PTPRG: variants seen among roughly 807,000 people sequenced by gnomAD.
The protein encoded by PTPRG is receptor-type tyrosine-protein phosphatase gamma.
A neutral mutation model predicts 165.3 loss-of-function variants in PTPRG; 102 were observed. That is an observed-to-expected ratio of 0.62 (90% CI 0.53 to 0.73). The LOEUF is 0.73. Among genes scored for constraint, PTPRG ranks in the 30% least tolerant of loss-of-function variants. The probability of loss-of-function intolerance (pLI) is 0.00; values close to 1 mark genes in which losing one functional copy is unlikely to be tolerated. For synonymous variants in PTPRG, 675 were observed against 669.5 expected, an observed-to-expected ratio of 1.01 and a Z score of -0.13; for missense variants, 1,866 against 1,861.4, an observed-to-expected ratio of 1.00 and a Z score of -0.05.
chr3:62,179,819 C>T (rs149560987), intron 8 of PTPRG, among the ~76,000 whole-genome samples: 50 of 152,276 alleles, frequency 3.3e-4, no homozygotes, highest in African/African-American at 1.2e-3. Context: ...CAGATAGGGC[C>T]ATCCTTACCA....
At chr3:61,563,908 C>T (rs1002167135) in intron 1 of PTPRG, among the ~76,000 whole-genome samples, 4 of 152,204 alleles carry the variant, frequency 2.6e-5, no homozygotes, top group African/African-American at 9.6e-5. Flanking sequence ...TTCTGCACCC[C>T]CTTTTCTCTC....
chr3:61,815,957 G>A (rs1324572749), intron 2 of PTPRG, among the ~76,000 whole-genome samples: 3 of 152,084 alleles, frequency 2.0e-5, no homozygotes, highest in East Asian at 1.9e-4. Context: ...ACTGGTGACT[G>A]GCCATCTTTA....
intron 10 of PTPRG, among the ~76,000 whole-genome samples, chr3:62,200,890 ATAAGT>A (rs1329013194): frequency 2.6e-5 from 4 of 152,238 alleles, no homozygotes; most frequent in South Asian, 2.1e-4. Context: ...GTAAACAGTA[ATAAGT>A]TAAGGATGGA....
intron 3 of PTPRG, among the ~76,000 whole-genome samples, chr3:62,001,001 T>TCA (rs139350171): frequency 0.097 from 14,794 of 152,166 alleles, 1,218 homozygotes; most frequent in African/African-American, 0.22. Context: ...CTTCCTGAGG[T>TCA]TACCACTGTT....
At chr3:61,599,158 T>C (rs1700779830) in intron 1 of PTPRG, among the ~76,000 whole-genome samples, 1 of 152,212 alleles carries the variant, frequency 6.6e-6, no homozygotes, top group Non-Finnish European at 1.5e-5. Context: ...AATTAATTAA[T>C]TAACTAATGA....
chr3:61,705,656 T>G (rs571814199), intron 1 of PTPRG, among the ~76,000 whole-genome samples: 1 of 152,330 alleles, frequency 6.6e-6, no homozygotes, highest in South Asian at 2.1e-4. Context: ...TATTCTTGGT[T>G]ATTTTACCAG....
At position 62,203,365 on chromosome 3, in the gene PTPRG, G is replaced by A; in HGVS notation, c.1570G>A (p.Gly524Ser). The change falls in exon 12 of 30, where the codon GGT becomes AGT. Residue 524 changes from glycine to serine, a missense_variant. This residue lies in a region of PTPRG where 1,452 missense variants were observed against 1,463.0 expected (regional missense o/e 0.99). Coordinates refer to ENST00000474889, the MANE Select transcript of PTPRG (RefSeq NM_002841.4). This position sits in a 1 kb window ranked among gnomAD's most constrained non-coding sequence, Gnocchi z 6.4. ...TLLAGLGFGG[G>S]GISSFPSTVW... The stretch of plus-strand genomic sequence containing the variant: ...GCTCGCCGGCCTGGGGTTCGGCGGT[G>A]GTGGCATCTCCTCTTTCCCCAGCAC... The A allele has an allele frequency of 1.2e-6, 2 of 1,613,166 alleles. No individual in the cohort carries two copies. Among genetic ancestry groups the A allele is most frequent in the Non-Finnish European group, 1.7e-6 (2 of 1,179,580 alleles).
intron 2 of PTPRG, among the ~76,000 whole-genome samples, chr3:61,786,696 C>G (rs1355758277): frequency 6.6e-6 from 1 of 152,148 alleles, no homozygotes; most frequent in African/African-American, 2.4e-5. Flanking sequence ...ATACTTATGT[C>G]TCATGATGTT....
chr3:61,642,221 G>A (rs879406798), intron 1 of PTPRG, among the ~76,000 whole-genome samples: 16 of 152,134 alleles, frequency 1.1e-4, no homozygotes, highest in Admixed American at 2.0e-4. Flanking sequence ...GGGCTGTGGC[G>A]TATGCCTCTC....
At chr3:61,638,292 T>A (rs1025581646) in intron 1 of PTPRG, among the ~76,000 whole-genome samples, 1 of 152,062 alleles carries the variant, frequency 6.6e-6, no homozygotes, top group Non-Finnish European at 1.5e-5. Flanking sequence ...TTTCCTGTTA[T>A]GTTAAGCAGA....
intron 2 of PTPRG, among the ~76,000 whole-genome samples, chr3:61,915,006 G>A (rs1168726584): frequency 1.3e-5 from 2 of 152,194 alleles, no homozygotes. Flanking sequence ...CAAGGCGGGC[G>A]GATCACCAGG....
intron 2 of PTPRG, among the ~76,000 whole-genome samples, chr3:61,829,640 AGT>A (rs1300355086): frequency 2.0e-5 from 3 of 152,228 alleles, no homozygotes; most frequent in African/African-American, 7.2e-5. Flanking sequence ...TGTCAGGGAG[AGT>A]GTATTAATCC....
At chr3:61,594,716 T>C (rs755378602) in intron 1 of PTPRG, among the ~76,000 whole-genome samples, 4 of 152,334 alleles carry the variant, frequency 2.6e-5, no homozygotes, top group Middle Eastern at 3.4e-3. Context: ...GTTGTGCCAG[T>C]GGCGCCGACA....
At chr3:62,238,040 T>C (rs1222377765) in intron 14 of PTPRG, among the ~76,000 whole-genome samples, 1 of 152,248 alleles carries the variant, frequency 6.6e-6, no homozygotes, top group Non-Finnish European at 1.5e-5. Context: ...TAGTCATCTT[T>C]GGTCAAGCAC....
At position 61,629,248 on chromosome 3, in the gene PTPRG, G is replaced by C. The variant is rs868666653; in HGVS notation, c.85+66876G>C. On this transcript the variant is annotated intron_variant, in intron 1 of 29. Coordinates refer to ENST00000474889, the MANE Select transcript of PTPRG (RefSeq NM_002841.4). ...CAGCTCACTGCAGCCTCTGCCTCCTGGGTTCAAGTGATTCTCCTGCCTCAG... is the reference window on the plus strand; with the variant it reads ...CAGCTCACTGCAGCCTCTGCCTCCTCGGTTCAAGTGATTCTCCTGCCTCAG... 3.3e-5 allele frequency among the ~76,000 whole-genome samples: 5 copies of C among 152,196 alleles called. No individual in the cohort carries two copies. The South Asian group carries it at 1.0e-3, about 32-fold the overall frequency.
intron 2 of PTPRG, among the ~76,000 whole-genome samples, chr3:61,970,127 G>T (rs184780119): frequency 3.5e-4 from 53 of 152,310 alleles, no homozygotes; most frequent in Admixed American, 2.2e-3. Flanking sequence ...TTTGAACCAT[G>T]TGAGATATAT....
At chr3:61,593,811 C>T (rs1444980387) in intron 1 of PTPRG, among the ~76,000 whole-genome samples, 1 of 151,946 alleles carries the variant, frequency 6.6e-6, no homozygotes, top group African/African-American at 2.4e-5. Flanking sequence ...TTTGTTGCTA[C>T]TAAATCTAAT....
intron 1 of PTPRG, chr3:61,742,322 G>T (rs2033022298): frequency 3.3e-6 from 2 of 601,194 alleles, no homozygotes; most frequent in Admixed American, 6.7e-5. Flanking sequence ...AGGCACGTAG[G>T]AAACAGTTGC....
intron 7 of PTPRG, among the ~76,000 whole-genome samples, chr3:62,165,218 A>T (rs2106724251): frequency 6.6e-6 from 1 of 152,008 alleles, no homozygotes; most frequent in South Asian, 2.1e-4. Context: ...TCCTCACAGG[A>T]TTTTTTCTCC....
Sources: gnomAD v4.1 joint callset for allele counts (sites outside exome capture counted in the v4.1 genomes callset) on GRCh38, gnomAD v4.1.1 for gene constraint, gnomAD v4.1.1 regional missense constraint, Gnocchi (gnomAD v3.1) non-coding constraint, MANE v1.5 for transcripts, NCBI Gene and HGNC (gene_info 2026-07-23, HGNC 2026-07-21) for gene names.